The following RGS6 variants were observed in gnomAD, a reference collection of about 807,000 sequenced individuals.
RGS6 encodes the protein regulator of G protein signaling 6, also known as regulator of G-protein signaling 6.
A neutral mutation model predicts 78.5 loss-of-function variants in RGS6; 30 were observed. The ratio of observed to expected loss-of-function variants is 0.38; its 90% CI spans 0.29 to 0.52. RGS6 has a LOEUF of 0.52. RGS6 is among the 20% of genes least tolerant of loss of function. RGS6 has a pLI of 0.85. For missense variants in RGS6, 495 were observed against 609.7 expected, an observed-to-expected ratio of 0.81 and a Z score of 1.98; for synonymous variants, 206 against 206.0, an observed-to-expected ratio of 1.00 and a Z score of 0.00.
At chr14:72,422,841 T>G (rs1271658310) in intron 3 of RGS6, among the ~76,000 whole-genome samples, 1 of 152,046 alleles carries the variant, frequency 6.6e-6, no homozygotes, top group African/African-American at 2.4e-5. Flanking sequence ...GAGGCGGAGA[T>G]CCAGGGCCCA....
At chr14:72,371,360 A>C (rs1012277289) in intron 3 of RGS6, among the ~76,000 whole-genome samples, 3 of 152,106 alleles carry the variant, frequency 2.0e-5, no homozygotes, top group African/African-American at 7.2e-5. Context: ...TGGAAGAAAA[A>C]ATGCTAAGTG....
chr14:72,093,315 C>T (rs2095324340), intron 2 of RGS6, among the ~76,000 whole-genome samples: 1 of 152,158 alleles, frequency 6.6e-6, no homozygotes, highest in African/African-American at 2.4e-5. Context: ...GATCATGGCT[C>T]ACTGCAGCCT....
intron 9 of RGS6, 144 bp from the exon 10 acceptor site, chr14:72,474,481 G>A: frequency 1.4e-6 from 1 of 690,936 alleles, no homozygotes; most frequent in Non-Finnish European, 2.5e-6. Flanking sequence ...ACAGAGGAAT[G>A]CATATTATGG....
intron 2 of RGS6, among the ~76,000 whole-genome samples, chr14:72,294,561 A>G (rs999935853): frequency 6.6e-5 from 10 of 152,194 alleles, no homozygotes; most frequent in Admixed American, 2.0e-4. Flanking sequence ...TTATAAAGAA[A>G]CGAGGTTTAA....
chr14:71,898,850 C>A, the RGS6 span, among the ~76,000 whole-genome samples: 1 of 152,142 alleles, frequency 6.6e-6, no homozygotes, highest in Non-Finnish European at 1.5e-5. Flanking sequence ...GAACTCAATT[C>A]TTTTTTGTGG....
intron 2 of RGS6, among the ~76,000 whole-genome samples, chr14:71,994,379 G>T (rs116175351): frequency 2.0e-5 from 3 of 151,984 alleles, no homozygotes; most frequent in Non-Finnish European, 4.4e-5. Context: ...TTATTTGTAG[G>T]ATAGTTTCTC....
rs113327731 is a variant in RGS6, at chr14:72,413,098, C to T, written c.185-41430C>T. 8.5e-5 allele frequency among the ~76,000 whole-genome samples: 13 copies of T among 152,182 alleles called. No individual in the cohort carries two copies. The South Asian group carries it at 2.7e-3, about 32-fold the overall frequency. The stretch of plus-strand genomic sequence containing the variant: ...GTCTATTAGGTCCGCTTGGTGCAGA[C>T]CTGAGTTCAATTCCTGGATATCCTT... On this transcript the variant is annotated intron_variant, in intron 3 of 17. Transcript: ENST00000553525.
At chr14:72,025,259 A>G (rs1290083708) in intron 2 of RGS6, among the ~76,000 whole-genome samples, 1 of 151,820 alleles carries the variant, frequency 6.6e-6, no homozygotes, top group Non-Finnish European at 1.5e-5. Flanking sequence ...CAACAGGGCC[A>G]AATCAGCATC....
intron 2 of RGS6, among the ~76,000 whole-genome samples, chr14:72,174,489 G>A (rs1237205179): frequency 1.3e-5 from 2 of 152,200 alleles, no homozygotes; most frequent in Non-Finnish European, 2.9e-5. Flanking sequence ...TGTTTTAGGA[G>A]TAAGCTTGAC....
At chr14:72,160,672 A>G in intron 2 of RGS6, among the ~76,000 whole-genome samples, 1 of 152,362 alleles carries the variant, frequency 6.6e-6, no homozygotes, top group East Asian at 1.9e-4. Context: ...AGAAGAAAAC[A>G]TTTGGCCACA....
At chr14:72,602,083 G>T in the RGS6 span, among the ~76,000 whole-genome samples, 2 of 152,298 alleles carry the variant, frequency 1.3e-5, no homozygotes, top group Middle Eastern at 3.4e-3. Flanking sequence ...TTGCCTCGTT[G>T]AATCTTCCCA....
At chr14:72,000,746 G>A (rs2083268249) in intron 2 of RGS6, among the ~76,000 whole-genome samples, 1 of 152,174 alleles carries the variant, frequency 6.6e-6, no homozygotes, top group Non-Finnish European at 1.5e-5. Context: ...GCATGCCACA[G>A]AAAGGTCAAG....
chr14:72,135,326 G>A (rs966738106), intron 2 of RGS6, among the ~76,000 whole-genome samples: 4 of 152,080 alleles, frequency 2.6e-5, no homozygotes, highest in African/African-American at 7.2e-5. Context: ...GCAGAGACTC[G>A]CTTGGCTCTA....
At chr14:71,875,112 TG>T in the RGS6 span, among the ~76,000 whole-genome samples, 10 of 152,258 alleles carry the variant, frequency 6.6e-5, no homozygotes, top group Non-Finnish European at 7.4e-5. Context: ...CTCTTTTTTT[TG>T]TTGTCTCTCT....
At chr14:71,956,357 G>GTGTATA (rs1555400488) in intron 1 of RGS6, among the ~76,000 whole-genome samples, 5,310 of 150,574 alleles carry the variant, frequency 0.035, 103 homozygotes, top group Non-Finnish European at 0.043. Flanking sequence ...GTGTGTGTGT[G>GTGTATA]TATATTCTAT....
intron 2 of RGS6, among the ~76,000 whole-genome samples, chr14:72,339,577 T>C (rs747995621): frequency 3.3e-5 from 5 of 152,038 alleles, no homozygotes; most frequent in Admixed American, 2.0e-4. Context: ...CTGCCTTCTA[T>C]GTAAAGAGTG....
intron 3 of RGS6, among the ~76,000 whole-genome samples, chr14:72,443,268 G>A (rs80020666): frequency 0.02 from 3,093 of 152,290 alleles, 103 homozygotes; most frequent in African/African-American, 0.07. Flanking sequence ...GCCCCATTTT[G>A]CAGATGGGTA....
intron 17 of RGS6, chr14:72,541,659 G>A (rs2097329264): frequency 2.6e-6 from 4 of 1,529,162 alleles, no homozygotes; most frequent in Non-Finnish European, 3.5e-6. Context: ...TCTCTTTTGA[G>A]GACTGGCTAC....
At chr14:72,272,072 A>G (rs2060033716) in intron 2 of RGS6, among the ~76,000 whole-genome samples, 1 of 152,192 alleles carries the variant, frequency 6.6e-6, no homozygotes, top group South Asian at 2.1e-4. Context: ...TTTGCCATGT[A>G]GCTGAACATA....
Sources: gnomAD v4.1 joint callset for allele counts (sites outside exome capture counted in the v4.1 genomes callset) on GRCh38, gnomAD v4.1.1 for gene constraint, MANE v1.5 for transcripts, NCBI Gene and HGNC (gene_info 2026-07-23, HGNC 2026-07-21) for gene names.